SERPINB10: variants seen among roughly 807,000 people sequenced by gnomAD.
SERPINB10 encodes the protein serpin B10.
SERPINB10 carries 35 observed loss-of-function variants against 39.1 expected under a neutral mutation model. That is an observed-to-expected ratio of 0.90 (90% CI 0.68 to 1.19). SERPINB10 has a LOEUF of 1.19. SERPINB10 is among the 50% of genes most tolerant of loss of function. The pLI is 0.00. For synonymous variants in SERPINB10, 190 were observed against 158.1 expected, an observed-to-expected ratio of 1.20 and a Z score of -1.52; for missense variants, 546 against 460.5, an observed-to-expected ratio of 1.19 and a Z score of -1.70.
At position 63,918,052 on chromosome 18, in the gene SERPINB10, C is replaced by CTTAAAACA; in HGVS notation, c.323_330dup (p.Ala111LeufsTer20). The CTTAAAACA allele has an allele frequency of 1.2e-6, 2 of 1,612,440 alleles. No homozygotes were observed. ...CCTCAAGCCCAACGATGACTACTTA[C>CTTAAAACA]TTAAAACAGCCAATGCGATATATGG... On this transcript the variant is annotated frameshift_variant, in exon 4 of 8. Transcript: ENST00000238508. LOFTEE classifies it high-confidence loss of function.
At chr18:63,934,262 T>A (rs542731295) in intron 7 of SERPINB10, among the ~76,000 whole-genome samples, 3 of 152,330 alleles carry the variant, frequency 2.0e-5, no homozygotes, top group South Asian at 2.1e-4. Context: ...TTTATCATTT[T>A]AAAAATTTAA....
chr18:63,924,331 C>T (rs750087517), intron 5 of SERPINB10, among the ~76,000 whole-genome samples: 5 of 151,970 alleles, frequency 3.3e-5, no homozygotes, highest in Non-Finnish European at 5.9e-5. Flanking sequence ...ACTGTTCTAA[C>T]TCCACTGTGA....
chr18:63,912,705 T>A (rs2050073340), intron 1 of SERPINB10, among the ~76,000 whole-genome samples: 1 of 152,100 alleles, frequency 6.6e-6, no homozygotes, highest in Admixed American at 6.6e-5. Flanking sequence ...CATTTTTGCA[T>A]CTATGCTCAT....
In SERPINB10 at chr18:63,935,950, TC is replaced by T. The variant is rs2050260522; in HGVS notation, c.*709del. ...AAATTTGAAGTTTAGCTAGTAGCAA[TC>T]TCTCAATGTTGGTGCCCTAGTTTTG... On this transcript the variant is annotated 3_prime_UTR_variant, in exon 8 of 8. Transcript: ENST00000238508. The T allele has an allele frequency of 6.6e-6, 1 of 152,220 alleles. No homozygotes were observed. Among genetic ancestry groups the T allele is most frequent in the Admixed American group, 6.5e-5 (1 of 15,290 alleles). 9.4% of individuals were successfully genotyped at this position (152,220 alleles called of 1,614,324 possible).
chr18:63,933,213 A>T lies in SERPINB10; in HGVS notation c.789+10A>T. ...TAATGGGCTGGAACAGGTAAATAAC[A>T]TCAGTGTGTCTGATGTGAGGGTGTT... On this transcript the variant is annotated intron_variant, in intron 7 of 7. Transcript: ENST00000238508. The T allele has an allele frequency of 2.5e-6, 4 of 1,612,240 alleles. No individual in the cohort carries two copies. Among genetic ancestry groups the T allele is most frequent in the Non-Finnish European group, 2.5e-6 (3 of 1,179,814 alleles).
chr18:63,918,234 A>C, intron 4 of SERPINB10, 132 bp downstream of exon 4: 3 of 846,368 alleles, frequency 3.5e-6, no homozygotes, highest in Non-Finnish European at 5.5e-6. Context: ...GCAAACAATC[A>C]ATTAGACCAA....
chr18:63,918,075 T>C lies in SERPINB10; in HGVS notation c.345T>C (p.Tyr115=), dbSNP rs2050117951. The stretch of plus-strand genomic sequence containing the variant: ...TACTTAAAACAGCCAATGCGATATA[T>C]GGAGAGAAAACGTATGCATTTCACA... The part of the protein sequence containing the change: ...DYLLKTANAI[Y]GEKTYAFHNK... Residue 115 remains tyrosine, a synonymous_variant, in exon 4 of 8, where the codon TAT becomes TAC. Coordinates refer to ENST00000238508, the MANE Select transcript of SERPINB10 (RefSeq NM_005024.3). 4 of 1,612,288 alleles carry C rather than the reference T, an allele frequency of 2.5e-6. No homozygotes were observed. Among genetic ancestry groups the C allele is most frequent in the Non-Finnish European group, 3.4e-6 (4 of 1,179,038 alleles).
intron 1 of SERPINB10, among the ~76,000 whole-genome samples, chr18:63,909,426 A>C (rs1279578045): frequency 6.6e-6 from 1 of 152,072 alleles, no homozygotes; most frequent in Non-Finnish European, 1.5e-5. Flanking sequence ...TGGATGGCTT[A>C]GTACTTCATT....
intron 5 of SERPINB10, among the ~76,000 whole-genome samples, chr18:63,929,103 C>T (rs1353541185): frequency 6.6e-6 from 1 of 152,000 alleles, no homozygotes; most frequent in Non-Finnish European, 1.5e-5. Flanking sequence ...GAGAGTCCTA[C>T]AGAAAGTCTT....
chr18:63,917,846 T>TAGG, intron 3 of SERPINB10, 119 bp from the exon 4 acceptor site: 1 of 864,460 alleles, frequency 1.2e-6, no homozygotes, highest in Non-Finnish European at 1.8e-6. Flanking sequence ...TTATCCACTT[T>TAGG]AGGAACATTT....
At chr18:63,931,754 G>T (rs1037025038) in intron 6 of SERPINB10, among the ~76,000 whole-genome samples, 6 of 152,010 alleles carry the variant, frequency 3.9e-5, no homozygotes, top group African/African-American at 1.2e-4. Context: ...ATCTAATATT[G>T]ATACATCATT....
intron 5 of SERPINB10, among the ~76,000 whole-genome samples, chr18:63,927,081 A>C (rs1173412161): frequency 6.6e-6 from 1 of 151,848 alleles, no homozygotes; most frequent in African/African-American, 2.4e-5. Context: ...TCTTCCTTTT[A>C]TATAATATCT....
intron 1 of SERPINB10, among the ~76,000 whole-genome samples, chr18:63,909,932 CT>C: frequency 6.6e-6 from 1 of 152,066 alleles, no homozygotes; most frequent in South Asian, 2.1e-4. Flanking sequence ...GATCTACAGT[CT>C]TTTTTGTTTT....
chr18:63,919,342 CTTG>C (rs2050129219), intron 4 of SERPINB10, among the ~76,000 whole-genome samples: 1 of 150,816 alleles, frequency 6.6e-6, no homozygotes, highest in Admixed American at 6.7e-5. Flanking sequence ...CCACAAGATT[CTTG>C]TTGTTTAGAA....
chr18:63,919,396 G>T (rs1437261981), intron 4 of SERPINB10, among the ~76,000 whole-genome samples: 1 of 151,818 alleles, frequency 6.6e-6, no homozygotes, highest in Non-Finnish European at 1.5e-5. Context: ...CCTCACTTTG[G>T]TTTCATACCT....
In SERPINB10 at chr18:63,935,732, C is replaced by T. The variant is rs1326793841; in HGVS notation, c.*490C>T. ...GGCTGAGGTAGGAGGATTGCTTGAG[C>T]CCAGGAGGTTGAGACTGCAGTGAGC... On this transcript the variant is annotated 3_prime_UTR_variant, in exon 8 of 8. Coordinates refer to ENST00000238508, the MANE Select transcript of SERPINB10 (RefSeq NM_005024.3). 1 of 153,556 alleles carries T rather than the reference C, an allele frequency of 6.5e-6. No individual in the cohort carries two copies. Among genetic ancestry groups the T allele is most frequent in the East Asian group, 1.9e-4 (1 of 5,248 alleles). The allele number at this position is 153,556 out of a possible 1,614,324, so 9.5% of individuals were successfully genotyped here. A position where few individuals can be genotyped will look rare whatever the true frequency, so the allele number is the denominator to read the frequency against.
chr18:63,922,208 T>G (rs139127843), intron 5 of SERPINB10, among the ~76,000 whole-genome samples: 3 of 152,006 alleles, frequency 2.0e-5, no homozygotes, highest in African/African-American at 7.2e-5. Context: ...CAGCCCTAAG[T>G]GCTCAGTTCC....
intron 1 of SERPINB10, among the ~76,000 whole-genome samples, chr18:63,915,220 G>A (rs2144721090): frequency 6.6e-6 from 1 of 152,172 alleles, no homozygotes; most frequent in South Asian, 2.1e-4. Context: ...TGTCAAGAGA[G>A]TGGCAAAAAC....
At position 63,935,186 on chromosome 18, in the gene SERPINB10, A is replaced by G. The variant is rs144013553; in HGVS notation, c.1138A>G (p.Ile380Val). 5 of 1,611,550 alleles carry G rather than the reference A, an allele frequency of 3.1e-6. No individual in the cohort carries two copies. The highest frequency in any genetic ancestry group is 3.3e-5 in the Admixed American group (2 of 59,820). Residue 380 changes from isoleucine (I) to valine (V), a missense_variant, in exon 8 of 8, where the codon ATC (isoleucine) becomes GTC (valine). Physicochemically the swap from Ile to Val is conservative, Grantham distance 29 (BLOSUM62 3). Transcript: ENST00000238508. ...FNANHPFLFF[I>V]RHNKTNTILF... ...TGCAAATCACCCATTCCTCTTCTTC[A>G]TCAGGCACAATAAAACCAACACCAT...
Sources: gnomAD v4.1 joint callset for allele counts (sites outside exome capture counted in the v4.1 genomes callset) on GRCh38, gnomAD v4.1.1 for gene constraint, MANE v1.5 for transcripts, NCBI Gene and HGNC (gene_info 2026-07-23, HGNC 2026-07-21) for gene names.